The following PCDH15 variants were observed in gnomAD, a reference collection of about 807,000 sequenced individuals.
The protein encoded by PCDH15 is protocadherin-15.
PCDH15 carries 129 observed loss-of-function variants against 178.5 expected under a neutral mutation model. That is an observed-to-expected ratio of 0.72 (90% confidence interval 0.63 to 0.84). The LOEUF is 0.84. Among genes scored for constraint, PCDH15 ranks in the 40% least tolerant of loss-of-function variants. PCDH15 has a pLI of 0.00. For synonymous variants in PCDH15, 800 were observed against 732.0 expected (o/e 1.09, Z -1.50); for missense variants, 2,230 against 2,099.9 (o/e 1.06, Z -1.21).
chr10:55,315,680 A>G (rs975403089), intron 1 of PCDH15, among the ~76,000 whole-genome samples: 1 of 152,140 alleles, frequency 6.6e-6, no homozygotes, highest in African/African-American at 2.4e-5. Flanking sequence ...TTATTCATTC[A>G]GTACTTCTCA....
chr10:53,806,886 T>C lies in PCDH15; in HGVS notation c.4916A>G (p.Asp1639Gly), dbSNP rs773941022. 3.7e-6 allele frequency: 6 copies of C among 1,613,814 alleles called. No individual in the cohort carries two copies. The highest frequency in any genetic ancestry group is 1.3e-5 in the African/African-American group (1 of 74,920). Residue 1639 changes from aspartate to glycine, a missense_variant, in exon 38 of 38, where the codon GAC becomes GGC. Asp to Gly is a moderately conservative substitution (Grantham distance 94). Coordinates refer to ENST00000644397, the MANE Select transcript of PCDH15 (RefSeq NM_001384140.1). ...VRLGGPFKKLDKLAVTHEENV... is the reference protein window; with the variant it reads ...VRLGGPFKKLGKLAVTHEENV... ...CTCCTCATGTGTCACTGCCAACTTG[T>C]CTAGTTTCTTAAAGGGCCCTCCCAG...
chr10:54,444,408 C>A (rs1279303047), intron 3 of PCDH15, among the ~76,000 whole-genome samples: 1 of 151,688 alleles, frequency 6.6e-6, no homozygotes, highest in Non-Finnish European at 1.5e-5. Flanking sequence ...ATTCATACTC[C>A]CTGACCTGGA....
chr10:53,822,608 A>G (rs1171529835), intron 32 of PCDH15: 4 of 1,614,116 alleles, frequency 2.5e-6, no homozygotes, highest in South Asian at 1.1e-5. Context: ...AATGTAAAAC[A>G]CAAGGCCTTG....
intron 2 of PCDH15, among the ~76,000 whole-genome samples, chr10:54,615,197 T>C (rs1266640287): frequency 6.6e-6 from 1 of 152,018 alleles, no homozygotes; most frequent in Non-Finnish European, 1.5e-5. Flanking sequence ...AAATAAGTGG[T>C]AAAGCGATAC....
chr10:55,272,856 G>A (rs1842481968), intron 1 of PCDH15, among the ~76,000 whole-genome samples: 1 of 151,962 alleles, frequency 6.6e-6, no homozygotes, highest in African/African-American at 2.4e-5. Context: ...CCTGTCTAAT[G>A]CATTATATAC....
chr10:55,065,491 T>G (rs1367690645), intron 2 of PCDH15, among the ~76,000 whole-genome samples: 2 of 152,054 alleles, frequency 1.3e-5, no homozygotes, highest in Non-Finnish European at 2.9e-5. Context: ...TCACTTTGCT[T>G]TGACTTTCTT....
chr10:55,069,612 A>G (rs549214684), intron 2 of PCDH15, among the ~76,000 whole-genome samples: 1 of 143,454 alleles, frequency 7.0e-6, no homozygotes, highest in Non-Finnish European at 1.5e-5. Context: ...TGAACTCATC[A>G]TTTTTTATGG....
intron 3 of PCDH15, among the ~76,000 whole-genome samples, chr10:54,379,814 A>G (rs1033179357): frequency 6.6e-6 from 1 of 152,092 alleles, no homozygotes. Context: ...TATTAAACTT[A>G]TAGATATAGA....
At chr10:54,933,402 GCTAA>G (rs755149097) in intron 2 of PCDH15, among the ~76,000 whole-genome samples, 7 of 152,056 alleles carry the variant, frequency 4.6e-5, no homozygotes, top group Non-Finnish European at 8.8e-5. Context: ...CCCACCAGTT[GCTAA>G]CTAAGAGCAG....
intron 20 of PCDH15, among the ~76,000 whole-genome samples, chr10:54,005,714 G>A (rs924781302): frequency 6.6e-6 from 1 of 152,042 alleles, no homozygotes; most frequent in South Asian, 2.1e-4. Flanking sequence ...TGGTGGGAAT[G>A]CAAATTAGTA....
intron 3 of PCDH15, among the ~76,000 whole-genome samples, chr10:54,414,032 A>G (rs745330891): frequency 6.6e-6 from 1 of 152,164 alleles, no homozygotes; most frequent in African/African-American, 2.4e-5. Context: ...TCTCACTACT[A>G]CACAATATAT....
chr10:54,059,831 T>C (rs1273582594), intron 18 of PCDH15, among the ~76,000 whole-genome samples: 1 of 152,218 alleles, frequency 6.6e-6, no homozygotes, highest in African/African-American at 2.4e-5. Context: ...ACCAAACATT[T>C]GAAAGTAATT....
At chr10:54,918,720 TAA>T (rs1837409206) in intron 2 of PCDH15, among the ~76,000 whole-genome samples, 1 of 152,096 alleles carries the variant, frequency 6.6e-6, no homozygotes, top group Admixed American at 6.6e-5. Context: ...TCAAAACAAA[TAA>T]AAATACTTGT....
At chr10:53,807,895 A>C (rs1841305525) in intron 37 of PCDH15, among the ~76,000 whole-genome samples, 1 of 152,178 alleles carries the variant, frequency 6.6e-6, no homozygotes, top group East Asian at 1.9e-4. Context: ...AACATTAAAA[A>C]TAGCAAGAAG....
At chr10:54,147,097 C>G (rs1034901947) in intron 14 of PCDH15, among the ~76,000 whole-genome samples, 1 of 149,862 alleles carries the variant, frequency 6.7e-6, no homozygotes, top group African/African-American at 2.4e-5. Context: ...AGTCTGAAAG[C>G]AAAGCCTCAT....
At chr10:54,973,590 A>G (rs1465378005) in intron 2 of PCDH15, among the ~76,000 whole-genome samples, 1 of 152,172 alleles carries the variant, frequency 6.6e-6, no homozygotes, top group African/African-American at 2.4e-5. Context: ...ACTAGTGTAG[A>G]AAACAAGGGT....
chr10:53,995,569 G>A, intron 21 of PCDH15, 80 bp downstream of exon 21: 2 of 1,611,748 alleles, frequency 1.2e-6, no homozygotes, highest in Non-Finnish European at 8.5e-7. Flanking sequence ...TACTTTTGCT[G>A]TCTTGTGATT....
At chr10:54,467,943 ATTAG>A (rs1349970685) in intron 3 of PCDH15, among the ~76,000 whole-genome samples, 6 of 151,952 alleles carry the variant, frequency 3.9e-5, no homozygotes, top group East Asian at 1.9e-4. Context: ...AGGCTTTCAA[ATTAG>A]TTAGTGTAGG....
chr10:54,410,803 G>A (rs1953376931), intron 3 of PCDH15, among the ~76,000 whole-genome samples: 1 of 152,064 alleles, frequency 6.6e-6, no homozygotes, highest in Admixed American at 6.6e-5. Context: ...GATTCTATTA[G>A]AAGTTCCAAG....
Sources: allele counts gnomAD v4.1 joint callset (sites outside exome capture counted in the v4.1 genomes callset), GRCh38; gene constraint gnomAD v4.1.1; transcripts MANE v1.5; gene names NCBI Gene and HGNC (gene_info 2026-07-23, HGNC 2026-07-21).